Variants in SLC35F3 observed in about 807,000 individuals in gnomAD.
The protein encoded by SLC35F3 is putative thiamine transporter SLC35F3.
A neutral mutation model predicts 49.9 loss-of-function variants in SLC35F3; 25 were observed. The ratio of observed to expected loss-of-function variants is 0.50; its 90% CI spans 0.37 to 0.70. The LOEUF is 0.70. Among genes scored for constraint, SLC35F3 ranks in the 30% least tolerant of loss-of-function variants. SLC35F3 has a pLI of 0.00. For missense variants in SLC35F3, 525 were observed against 639.8 expected, an observed-to-expected ratio of 0.82 and a Z score of 1.94; for synonymous variants, 275 against 265.4, an observed-to-expected ratio of 1.04 and a Z score of -0.35.
intron 3 of SLC35F3, among the ~76,000 whole-genome samples, chr1:234,239,441 G>A (rs945726837): frequency 8.5e-5 from 13 of 152,132 alleles, no homozygotes; most frequent in African/African-American, 2.4e-4. Flanking sequence ...TAAGCCAGCC[G>A]ATAGGCACAT....
chr1:233,961,586 A>G (rs116027590), intron 2 of SLC35F3, among the ~76,000 whole-genome samples: 2,682 of 151,414 alleles, frequency 0.018, 32 homozygotes, highest in Middle Eastern at 0.034. Context: ...CCACCCAGGT[A>G]GCTGGGATAA....
intron 4 of SLC35F3, among the ~76,000 whole-genome samples, chr1:234,315,922 A>G (rs546042880): frequency 6.6e-6 from 1 of 152,242 alleles, no homozygotes; most frequent in Non-Finnish European, 1.5e-5. Flanking sequence ...AGTAATATGT[A>G]CATCTCCATG....
chr1:234,177,514 G>T (rs923008815), intron 2 of SLC35F3, among the ~76,000 whole-genome samples: 2 of 152,100 alleles, frequency 1.3e-5, no homozygotes, highest in Non-Finnish European at 2.9e-5. Flanking sequence ...TCATGGACAG[G>T]CTAGGACCCT....
intron 3 of SLC35F3, among the ~76,000 whole-genome samples, chr1:234,248,902 C>T (rs1263855724): frequency 1.3e-5 from 2 of 152,190 alleles, no homozygotes; most frequent in African/African-American, 4.8e-5. Flanking sequence ...CTCACCTGTG[C>T]AGCCACCAGG....
rs1558262438 is a variant in SLC35F3 at position 234,214,141 on chromosome 1, G to A, written c.284-17276G>A. The A allele has an allele frequency of 9.5e-7, 1 of 1,057,130 alleles. No homozygotes were observed. The highest frequency in any genetic ancestry group is 1.1e-6 in the Non-Finnish European group (1 of 877,046). 65.5% of individuals were successfully genotyped at this position (1,057,130 alleles called of 1,614,324 possible). On this transcript the variant is annotated intron_variant, in intron 2 of 7. Transcript: ENST00000366618. This position sits in a 1 kb window ranked among gnomAD's most constrained non-coding sequence, Gnocchi z 8.0. ...GAGGAAGACAGGGATGAGGGCTGCG[G>A]GGCTGGGCGTCCCGGGGAGGAGGGC...
At chr1:234,250,297 C>T (rs1172963167) in intron 3 of SLC35F3, among the ~76,000 whole-genome samples, 1 of 152,272 alleles carries the variant, frequency 6.6e-6, no homozygotes, top group East Asian at 1.9e-4. Context: ...GGGCAATGGC[C>T]CCTGTCTTCG....
At chr1:234,111,905 G>T (rs1330752809) in intron 2 of SLC35F3, among the ~76,000 whole-genome samples, 1 of 152,252 alleles carries the variant, frequency 6.6e-6, no homozygotes, top group Admixed American at 6.5e-5. Context: ...TCTGTATCCT[G>T]TGTAGTCCCC....
At chr1:233,980,702 T>G (rs1663168454) in intron 2 of SLC35F3, among the ~76,000 whole-genome samples, 1 of 152,198 alleles carries the variant, frequency 6.6e-6, no homozygotes, top group African/African-American at 2.4e-5. Context: ...TATGTGAAAC[T>G]GAATTTTTAA....
Position 234,320,888 on chromosome 1 carries a change from C to G in SLC35F3, c.1237+701C>G, listed in dbSNP as rs1657602643. Among the ~76,000 whole-genome samples, 1 of 152,054 alleles carries G rather than the reference C, an allele frequency of 6.6e-6. No individual in the cohort carries two copies. Among genetic ancestry groups the G allele is most frequent in the South Asian group, 2.1e-4 (1 of 4,830 alleles). On this transcript the variant is annotated intron_variant, in intron 7 of 7. Coordinates refer to ENST00000366618, the MANE Select transcript of SLC35F3 (RefSeq NM_173508.4). The surrounding 1 kb of genome is among the most constrained non-coding windows in gnomAD (Gnocchi z 4.8). Reference sequence around the variant, plus strand: ...GGATTTTCTTCCCAGAACCTCCTGGCCTCATACCTGACCTCCCTAGGCATC... The same window carrying G: ...GGATTTTCTTCCCAGAACCTCCTGGGCTCATACCTGACCTCCCTAGGCATC...
At chr1:234,262,588 G>C (rs995003127) in intron 3 of SLC35F3, among the ~76,000 whole-genome samples, 1 of 152,148 alleles carries the variant, frequency 6.6e-6, no homozygotes, top group Non-Finnish European at 1.5e-5. Flanking sequence ...CTGGTCCTCC[G>C]GAGGGCCGCT....
chr1:234,249,687 G>A (rs1215275729), intron 3 of SLC35F3, among the ~76,000 whole-genome samples: 4 of 152,160 alleles, frequency 2.6e-5, no homozygotes, highest in African/African-American at 9.7e-5. Context: ...TCATCCTAAG[G>A]GTAAAAGCCA....
chr1:234,015,491 C>T (rs113641647), intron 2 of SLC35F3, among the ~76,000 whole-genome samples: 3,892 of 152,042 alleles, frequency 0.026, 147 homozygotes, highest in African/African-American at 0.083. Context: ...ATAGAGAGCT[C>T]AGAAATGAAC....
chr1:233,941,031 G>A (rs997450419), intron 2 of SLC35F3, among the ~76,000 whole-genome samples: 3 of 152,136 alleles, frequency 2.0e-5, no homozygotes, highest in African/African-American at 4.8e-5. Flanking sequence ...TCACCACTAA[G>A]AATCCCTTGA....
intron 2 of SLC35F3, among the ~76,000 whole-genome samples, chr1:234,147,451 A>T (rs73108413): frequency 6.6e-6 from 1 of 151,852 alleles, no homozygotes; most frequent in African/African-American, 2.4e-5. Flanking sequence ...TTTTAAGTAG[A>T]GTTATACTTA....
In SLC35F3 at chr1:233,935,189, CTTTTTTTTTTTTTTT is replaced by C. The variant is rs35418747; in HGVS notation, c.283+29445_283+29459del. Among the ~76,000 whole-genome samples, 26 of 50,312 alleles carry C rather than the reference CTTTTTTTTTTTTTTT, an allele frequency of 5.2e-4. 1 individual carries two copies. The South Asian group carries it at 0.018, about 34-fold the overall frequency. 33.0% of individuals were successfully genotyped at this position (50,312 alleles called of 152,430 possible). ...CACAATGAGCTGGGTTTTCCTTGCC[CTTTTTTTTTTTTTTT>C]TTTTTTTTTTTTTGCATACCTGAAA... is the stretch of plus-strand genomic sequence containing the variant. On this transcript the variant is annotated intron_variant, in intron 2 of 7. Coordinates refer to ENST00000366618, the MANE Select transcript of SLC35F3 (RefSeq NM_173508.4).
chr1:234,238,419 CTGCCTGTTTTAAGACAACACT>C (rs1667507685), intron 3 of SLC35F3, among the ~76,000 whole-genome samples: 2 of 152,298 alleles, frequency 1.3e-5, no homozygotes, highest in South Asian at 4.1e-4. Context: ...TGGGTTGTCT[CTGCCTGTTTTAAGACAACACT>C]TGCCATATTC....
At chr1:234,125,333 C>A (rs138516299) in intron 2 of SLC35F3, among the ~76,000 whole-genome samples, 306 of 152,302 alleles carry the variant, frequency 2.0e-3, no homozygotes, top group African/African-American at 7.0e-3. Flanking sequence ...CACTTAAGCT[C>A]CATGTCCATT....
At chr1:234,086,328 G>T (rs186821495) in intron 2 of SLC35F3, among the ~76,000 whole-genome samples, 1 of 152,292 alleles carries the variant, frequency 6.6e-6, no homozygotes. Flanking sequence ...CTGAATGTTG[G>T]GTGAGACTAT....
At chr1:234,144,106 C>T (rs1344560465) in intron 2 of SLC35F3, among the ~76,000 whole-genome samples, 1 of 152,162 alleles carries the variant, frequency 6.6e-6, no homozygotes, top group Non-Finnish European at 1.5e-5. Context: ...CGGGGTGTAG[C>T]AGGGGAGATG....
Sources: gnomAD v4.1 joint callset for allele counts (sites outside exome capture counted in the v4.1 genomes callset) on GRCh38, gnomAD v4.1.1 for gene constraint, Gnocchi (gnomAD v3.1) non-coding constraint, MANE v1.5 for transcripts, NCBI Gene and HGNC (gene_info 2026-07-23, HGNC 2026-07-21) for gene names.